The following GSK3B variants were observed in gnomAD, a reference collection of about 807,000 sequenced individuals.
The protein encoded by GSK3B is glycogen synthase kinase-3 beta.
A neutral mutation model predicts 56.4 loss-of-function variants in GSK3B; 15 were observed. The ratio of observed to expected loss-of-function variants is 0.27; its 90% CI spans 0.18 to 0.41. The LOEUF is 0.41. Ranked by LOEUF, GSK3B falls within the 10% of genes least tolerant of loss-of-function variation. The probability of loss-of-function intolerance (pLI) is 1.00; values close to 1 mark genes in which losing one functional copy is unlikely to be tolerated. For synonymous variants in GSK3B, 181 were observed against 188.9 expected (o/e 0.96, Z 0.34); for missense variants, 300 against 513.4 (o/e 0.58, Z 4.02).
intron 1 of GSK3B, among the ~76,000 whole-genome samples, chr3:120,052,454 T>G (rs1404796858): frequency 6.6e-6 from 1 of 152,210 alleles, no homozygotes; most frequent in African/African-American, 2.4e-5. Context: ...CACCAGGTTA[T>G]GTTAATTTCC....
chr3:119,956,886 T>G (rs1576228145), intron 2 of GSK3B, among the ~76,000 whole-genome samples: 1 of 152,334 alleles, frequency 6.6e-6, no homozygotes, highest in East Asian at 1.9e-4. Context: ...GACCAGACAC[T>G]AAATTCTTCA....
intron 1 of GSK3B, among the ~76,000 whole-genome samples, chr3:120,076,587 G>A (rs922810643): frequency 5.9e-5 from 9 of 151,894 alleles, no homozygotes; most frequent in Non-Finnish European, 1.2e-4. Flanking sequence ...AGGCCGAGAC[G>A]GGCGGATCAC....
rs944804102 is a variant in GSK3B, at chr3:120,078,833, G to C, written c.88+14514C>G. On this transcript the variant is annotated intron_variant, in intron 1 of 10. Coordinates refer to ENST00000264235, the MANE Select transcript of GSK3B (RefSeq NM_001146156.2). ...TCCCTCTGGGAGGGATTACAGACGT[G>C]AGCCACCGCACCTGGCCTGTCTCCT... is the stretch of plus-strand genomic sequence containing the variant. Among the ~76,000 whole-genome samples, 3 of 150,726 alleles carry C rather than the reference G, an allele frequency of 2.0e-5. No individual in the cohort carries two copies. In the South Asian group the frequency reaches 6.3e-4, roughly 32 times the overall value.
At chr3:119,901,863 A>G (rs1333990311) in intron 7 of GSK3B, among the ~76,000 whole-genome samples, 1 of 152,176 alleles carries the variant, frequency 6.6e-6, no homozygotes. Context: ...AACTTCATAA[A>G]GCTTATTATA....
At chr3:120,020,786 T>G (rs1027391075) in intron 1 of GSK3B, among the ~76,000 whole-genome samples, 1 of 152,224 alleles carries the variant, frequency 6.6e-6, no homozygotes, top group Admixed American at 6.5e-5. Context: ...CCAGATAGGC[T>G]GAAAGCTATG....
chr3:119,889,080 G>A (rs1260773455), intron 7 of GSK3B, among the ~76,000 whole-genome samples: 1 of 152,110 alleles, frequency 6.6e-6, no homozygotes, highest in Non-Finnish European at 1.5e-5. Flanking sequence ...TCACAAGCAT[G>A]TGATCTTTGT....
chr3:119,904,609 T>C (rs759415400), intron 7 of GSK3B, among the ~76,000 whole-genome samples: 5 of 152,186 alleles, frequency 3.3e-5, no homozygotes, highest in Non-Finnish European at 5.9e-5. Context: ...TGAAAAGAAC[T>C]TGATCACAGT....
intron 1 of GSK3B, among the ~76,000 whole-genome samples, chr3:120,010,793 CA>C (rs1321801475): frequency 7.9e-5 from 12 of 151,688 alleles, no homozygotes; most frequent in Admixed American, 7.9e-4. Context: ...AATGGCCAGG[CA>C]TGGTAGTTCA....
At chr3:120,064,022 G>C (rs960441594) in intron 1 of GSK3B, among the ~76,000 whole-genome samples, 6 of 151,850 alleles carry the variant, frequency 4.0e-5, no homozygotes, top group Middle Eastern at 3.4e-3. Flanking sequence ...TAATGAAAAA[G>C]CAATTTAACT....
At chr3:119,935,253 C>T (rs1576212033) in intron 3 of GSK3B, among the ~76,000 whole-genome samples, 2 of 151,936 alleles carry the variant, frequency 1.3e-5, no homozygotes, top group South Asian at 2.1e-4. Context: ...ATAGACCAAG[C>T]GAACTTAGAT....
At chr3:120,036,009 T>TA (rs1348892540) in intron 1 of GSK3B, among the ~76,000 whole-genome samples, 7 of 152,002 alleles carry the variant, frequency 4.6e-5, no homozygotes, top group African/African-American at 7.2e-5. Context: ...AGTACAATGT[T>TA]AAAAAAAAGT....
At position 119,930,123 on chromosome 3, in the gene GSK3B, A is replaced by ACACACG. The variant is rs1263643512; in HGVS notation, c.367-6641_367-6640insCGTGTG. ...CACACACACACACACACACACACAC[A>ACACACG]CGTGCGCATGCACACACACATTTAT... On this transcript the variant is annotated intron_variant, in intron 3 of 10. Transcript: ENST00000264235. Among the ~76,000 whole-genome samples the ACACACG allele has an allele frequency of 4.4e-5, 6 of 137,104 alleles. No homozygotes were observed. In the East Asian group the frequency reaches 6.0e-4, roughly 14 times the overall value. 89.9% of individuals were successfully genotyped at this position (137,104 alleles called of 152,430 possible).
chr3:119,920,588 G>A (rs1016174566), intron 4 of GSK3B, among the ~76,000 whole-genome samples: 2 of 152,054 alleles, frequency 1.3e-5, no homozygotes, highest in African/African-American at 4.8e-5. Flanking sequence ...CATCCCTAAT[G>A]GGATCTAATG....
chr3:119,881,363 C>T (rs2056376745), intron 7 of GSK3B, among the ~76,000 whole-genome samples: 2 of 152,134 alleles, frequency 1.3e-5, no homozygotes, highest in African/African-American at 4.8e-5. Context: ...GAAAAGGGGG[C>T]TGTGACTGGG....
chr3:120,018,575 C>T (rs918545696), intron 1 of GSK3B, among the ~76,000 whole-genome samples: 2 of 152,124 alleles, frequency 1.3e-5, no homozygotes, highest in Non-Finnish European at 2.9e-5. Context: ...ATCCAAATTG[C>T]CTCATCCAAT....
intron 1 of GSK3B, among the ~76,000 whole-genome samples, chr3:120,025,185 A>G (rs1350305339): frequency 6.6e-6 from 1 of 152,094 alleles, no homozygotes; most frequent in Admixed American, 6.6e-5. Context: ...TCTACTAAAA[A>G]TATAAAAATT....
intron 1 of GSK3B, chr3:120,029,465 A>G (rs893541255): frequency 3.2e-5 from 22 of 695,716 alleles, no homozygotes; most frequent in Admixed American, 5.7e-5. Flanking sequence ...CTGGATCAAG[A>G]GCAGTGTTAT....
intron 1 of GSK3B, among the ~76,000 whole-genome samples, chr3:120,083,207 C>G (rs1175803765): frequency 6.6e-6 from 1 of 152,080 alleles, no homozygotes. Context: ...CAGATAAGAA[C>G]TATTCAACTA....
At chr3:119,952,670 A>G (rs2057169977) in intron 2 of GSK3B, among the ~76,000 whole-genome samples, 1 of 151,834 alleles carries the variant, frequency 6.6e-6, no homozygotes, top group South Asian at 2.1e-4. Context: ...AAACAATACA[A>G]TTAATAGCCG....
Sources: allele counts gnomAD v4.1 joint callset (sites outside exome capture counted in the v4.1 genomes callset), GRCh38; gene constraint gnomAD v4.1.1; transcripts MANE v1.5; gene names NCBI Gene and HGNC (gene_info 2026-07-23, HGNC 2026-07-21).